The following RXRA variants were observed in gnomAD, a reference collection of about 807,000 sequenced individuals.
The protein encoded by RXRA is retinoid X receptor alpha, also known as retinoic acid receptor RXR-alpha.
RXRA carries 5 observed loss-of-function variants against 44.5 expected under a neutral mutation model. The observed-to-expected ratio is 0.11, with a 90% CI of 0.06 to 0.24. The LOEUF (loss-of-function observed/expected upper bound fraction) is 0.24, where lower values mean the gene tolerates loss of function less well. RXRA is among the 10% of genes least tolerant of loss of function. RXRA has a pLI of 1.00. For synonymous variants in RXRA, 291 were observed against 271.4 expected, an observed-to-expected ratio of 1.07 and a Z score of -0.71; for missense variants, 412 against 646.5, an observed-to-expected ratio of 0.64 and a Z score of 3.93.
intron 1 of RXRA, among the ~76,000 whole-genome samples, chr9:134,350,440 C>T (rs1830207484): frequency 6.6e-6 from 1 of 152,206 alleles, no homozygotes; most frequent in Non-Finnish European, 1.5e-5. Context: ...AAGTAGCCAC[C>T]TGCGTGGCGT....
Position 134,349,870 on chromosome 9 carries a change from C to G in RXRA, c.28+23211C>G, listed in dbSNP as rs1001951337. ...TCTCCTGTGGTAGGAGTCGGGTGGA[C>G]AGTTTGCACGATCTCATCCTGCCTG... On this transcript the variant is annotated intron_variant, in intron 1 of 9. Coordinates refer to ENST00000481739, the MANE Select transcript of RXRA (RefSeq NM_002957.6). This position sits in a 1 kb window ranked among gnomAD's most constrained non-coding sequence, Gnocchi z 4.3. Among the ~76,000 whole-genome samples, 1 of 152,094 alleles carries G rather than the reference C, an allele frequency of 6.6e-6. No homozygotes were observed. Among genetic ancestry groups the G allele is most frequent in the African/African-American group, 2.4e-5 (1 of 41,408 alleles).
Position 134,386,599 on chromosome 9 carries a change from G to A in RXRA, c.29-15033G>A, listed in dbSNP as rs139094834. The stretch of plus-strand genomic sequence containing the variant: ...CCTGTGGTCTGGTCACGGCTGCTCC[G>A]TACGTGGCCGTGCTGAGGGTGTCAT... On this transcript the variant is annotated intron_variant, in intron 1 of 9. Transcript: ENST00000481739. Among the ~76,000 whole-genome samples, 1,362 of 152,334 alleles carry A rather than the reference G, an allele frequency of 8.9e-3. 16 individuals are homozygous for A. The highest frequency in any genetic ancestry group is 0.019 in the South Asian group (91 of 4,826).
At chr9:134,386,991 C>T (rs574699000) in intron 1 of RXRA, among the ~76,000 whole-genome samples, 2 of 152,342 alleles carry the variant, frequency 1.3e-5, no homozygotes, top group African/African-American at 2.4e-5. Flanking sequence ...CTGGGCCCAG[C>T]GTTGGGACAC....
chr9:134,341,628 G>A (rs1210399820), intron 1 of RXRA, among the ~76,000 whole-genome samples: 2 of 152,262 alleles, frequency 1.3e-5, no homozygotes, highest in Admixed American at 6.5e-5. Flanking sequence ...GGGTGGCCCA[G>A]GGTTGGGCTG....
intron 1 of RXRA, among the ~76,000 whole-genome samples, chr9:134,350,301 C>G (rs1036749993): frequency 4.6e-5 from 7 of 152,142 alleles, no homozygotes; most frequent in Non-Finnish European, 8.8e-5. Flanking sequence ...TGGCATCGCT[C>G]TCTGGCCCCC....
intron 1 of RXRA, among the ~76,000 whole-genome samples, chr9:134,369,529 G>A (rs1160967856): frequency 7.3e-6 from 1 of 137,078 alleles, no homozygotes; most frequent in Non-Finnish European, 1.6e-5. Flanking sequence ...GTGTGGGGGG[G>A]TTATGTGTGT....
At chr9:134,332,095 T>C (rs562286182) in intron 1 of RXRA, among the ~76,000 whole-genome samples, 6 of 151,212 alleles carry the variant, frequency 4.0e-5, no homozygotes, top group Admixed American at 3.9e-4. Flanking sequence ...GGCGACCCCT[T>C]GATCCTCACT....
intron 1 of RXRA, among the ~76,000 whole-genome samples, chr9:134,360,200 G>A (rs1830332068): frequency 6.6e-6 from 1 of 152,216 alleles, no homozygotes; most frequent in Non-Finnish European, 1.5e-5. Context: ...GCTGCCACCT[G>A]TCCTCAGTAG....
intron 1 of RXRA, among the ~76,000 whole-genome samples, chr9:134,347,633 G>C (rs1488664830): frequency 1.3e-5 from 2 of 152,256 alleles, no homozygotes; most frequent in Non-Finnish European, 2.9e-5. Flanking sequence ...AGCGTGGTTA[G>C]GGAAAGCCCT....
At chr9:134,422,070 G>T (rs199899153) in intron 6 of RXRA, 13 of 1,148,186 alleles carry the variant, frequency 1.1e-5, no homozygotes, top group Admixed American at 3.4e-5. Flanking sequence ...CTCCCAGGAC[G>T]CTCCCCTCTC....
At chr9:134,406,277 C>A (rs1029181372) in intron 2 of RXRA, 5 of 151,788 alleles carry the variant, frequency 3.3e-5, no homozygotes, top group African/African-American at 1.2e-4. Flanking sequence ...ACTTGTAATC[C>A]CAGCTACTCA....
rs568943705 is a variant in RXRA, at chr9:134,376,229, G to C, written c.29-25403G>C. ...GGCCCAGAGGGGCACCCTCAGCCGC[G>C]GGGCCTGCCCATGCCAGCTGTCGCA... On this transcript the variant is annotated intron_variant, in intron 1 of 9. Coordinates refer to ENST00000481739, the MANE Select transcript of RXRA (RefSeq NM_002957.6). Among the ~76,000 whole-genome samples, 5 of 152,222 alleles carry C rather than the reference G, an allele frequency of 3.3e-5. No individual in the cohort carries two copies. The South Asian group carries it at 1.0e-3, about 32-fold the overall frequency.
chr9:134,327,337 C>CGT (rs1383868063), intron 1 of RXRA, among the ~76,000 whole-genome samples: 3 of 152,124 alleles, frequency 2.0e-5, no homozygotes, highest in African/African-American at 4.8e-5. Context: ...CGCAGAGGCG[C>CGT]GTAGGGTCAG....
In RXRA at chr9:134,417,409, G is replaced by T; in HGVS notation, c.780+82G>T. On this transcript the variant is annotated intron_variant, in intron 5 of 9. Coordinates refer to ENST00000481739, the MANE Select transcript of RXRA (RefSeq NM_002957.6). This position sits in a 1 kb window ranked among gnomAD's most constrained non-coding sequence, Gnocchi z 6.1. ...CACTCACCCTCCCACCTGAGCAGCT[G>T]ATGAGCCAGAGAGGTCCTGGGGGCT... 3 of 1,506,936 alleles carry T rather than the reference G, an allele frequency of 2.0e-6. No individual in the cohort carries two copies. The highest frequency in any genetic ancestry group is 2.3e-5 in the East Asian group (1 of 42,726). The allele number at this position is 1,506,936 out of a possible 1,614,324, so 93.3% of individuals were successfully genotyped here.
At chr9:134,425,560 G>C (rs7869820) in intron 6 of RXRA, 12 of 728,492 alleles carry the variant, frequency 1.6e-5, no homozygotes, top group South Asian at 6.3e-5. Context: ...GGGTGGGGGG[G>C]GGTGAGGGGG....
chr9:134,340,022 T>C (rs782094915), intron 1 of RXRA, among the ~76,000 whole-genome samples: 12 of 152,298 alleles, frequency 7.9e-5, no homozygotes, highest in Non-Finnish European at 1.5e-4. Context: ...TCTGAGCCTG[T>C]ATCTGTGTGC....
In RXRA at chr9:134,343,208, G is replaced by C. The variant is rs1326076901; in HGVS notation, c.28+16549G>C. On this transcript the variant is annotated intron_variant, in intron 1 of 9. Coordinates refer to ENST00000481739, the MANE Select transcript of RXRA (RefSeq NM_002957.6). This position sits in a 1 kb window ranked among gnomAD's most constrained non-coding sequence, Gnocchi z 4.1. ...CCTGGGGCAGCGTGTCTCTCTCTCT[G>C]AGTGTCGACTTTCTCATCTGTGACG... Among the ~76,000 whole-genome samples, 2 of 152,178 alleles carry C rather than the reference G, an allele frequency of 1.3e-5. No individual in the cohort carries two copies. The highest frequency in any genetic ancestry group is 4.8e-5 in the African/African-American group (2 of 41,444).
intron 1 of RXRA, among the ~76,000 whole-genome samples, chr9:134,345,124 C>G (rs1246906525): frequency 6.6e-6 from 1 of 152,232 alleles, no homozygotes; most frequent in Non-Finnish European, 1.5e-5. Flanking sequence ...GTGGCAGCCC[C>G]TGGTCTGCTG....
chr9:134,405,106 G>A (rs1435092593), intron 2 of RXRA: 1 of 152,344 alleles, frequency 6.6e-6, no homozygotes, highest in African/African-American at 2.4e-5. Flanking sequence ...CCCACTGGGG[G>A]AGGGACAGAC....
Sources: allele counts gnomAD v4.1 joint callset (sites outside exome capture counted in the v4.1 genomes callset), GRCh38; gene constraint gnomAD v4.1.1; non-coding constraint Gnocchi (gnomAD v3.1); transcripts MANE v1.5; gene names NCBI Gene and HGNC (gene_info 2026-07-23, HGNC 2026-07-21).